GRIA4: variants seen among roughly 807,000 people sequenced by gnomAD.
The protein encoded by GRIA4 is glutamate ionotropic receptor AMPA type subunit 4, also known as glutamate receptor 4.
GRIA4 carries 34 observed loss-of-function variants against 104.0 expected under a neutral mutation model. The ratio of observed to expected loss-of-function variants is 0.33; its 90% confidence interval spans 0.25 to 0.44. The LOEUF is 0.44. Among genes scored for constraint, GRIA4 ranks in the 20% least tolerant of loss-of-function variants. The probability of loss-of-function intolerance (pLI) is 1.00; values close to 1 mark genes in which losing one functional copy is unlikely to be tolerated. For missense variants in GRIA4, 750 were observed against 1,096.5 expected, an observed-to-expected ratio of 0.68 and a Z score of 4.46; for synonymous variants, 386 against 381.9, an observed-to-expected ratio of 1.01 and a Z score of -0.13.
Position 105,753,207 on chromosome 11 carries a change from T to C in GRIA4, c.474T>C (p.Tyr158=). 6.2e-7 allele frequency: 1 copy of C among 1,613,714 alleles called. No individual in the cohort carries two copies. Among genetic ancestry groups the C allele is most frequent in the African/African-American group, 1.3e-5 (1 of 75,016 alleles). The change falls in exon 4 of 17, where the codon TAT becomes TAC. Residue 158 remains tyrosine, a synonymous_variant. Coordinates refer to ENST00000282499, the MANE Select transcript of GRIA4 (RefSeq NM_000829.4). ...HYEWNCFVFL[Y]DTDRGYSILQ... is the part of the protein sequence containing the mutation. Reference sequence around the variant, plus strand: ...AATGGAACTGTTTTGTCTTCCTGTATGACACAGACAGGGGTAAGTCCAGTT... The same window carrying C: ...AATGGAACTGTTTTGTCTTCCTGTACGACACAGACAGGGGTAAGTCCAGTT...
At chr11:105,910,796 G>T (rs1034619405) in intron 10 of GRIA4, among the ~76,000 whole-genome samples, 1 of 152,046 alleles carries the variant, frequency 6.6e-6, no homozygotes, top group Non-Finnish European at 1.5e-5. Flanking sequence ...AATTGAGACT[G>T]TCAAACTCTA....
intron 8 of GRIA4, among the ~76,000 whole-genome samples, chr11:105,904,354 G>T (rs1328378440): frequency 6.6e-6 from 1 of 152,172 alleles, no homozygotes; most frequent in African/African-American, 2.4e-5. Flanking sequence ...TCTGCAAAGG[G>T]AAATGGATAG....
intron 3 of GRIA4, among the ~76,000 whole-genome samples, chr11:105,653,163 G>C (rs113941128): frequency 6.6e-6 from 1 of 152,086 alleles, no homozygotes; most frequent in African/African-American, 2.4e-5. Context: ...TGCCCGCCTC[G>C]GCCTCCCAAA....
At chr11:105,651,914 C>A (rs757437986) in intron 3 of GRIA4, among the ~76,000 whole-genome samples, 13 of 151,896 alleles carry the variant, frequency 8.6e-5, no homozygotes, top group Non-Finnish European at 1.8e-4. Context: ...TGAAACAGGT[C>A]CAAATACAAA....
intron 5 of GRIA4, among the ~76,000 whole-genome samples, chr11:105,883,284 T>TTG (rs1317491587): frequency 2.6e-5 from 4 of 152,026 alleles, no homozygotes; most frequent in African/African-American, 9.6e-5. Context: ...TTCTTTTTTT[T>TTG]TTTTTTTAAT....
chr11:105,652,713 T>C (rs1402420028), intron 3 of GRIA4, among the ~76,000 whole-genome samples: 2 of 152,044 alleles, frequency 1.3e-5, no homozygotes, highest in African/African-American at 2.4e-5. Context: ...ATCAATCAAT[T>C]ATGCTACACC....
At chr11:105,773,090 A>G (rs1591231184) in intron 4 of GRIA4, among the ~76,000 whole-genome samples, 1 of 152,108 alleles carries the variant, frequency 6.6e-6, no homozygotes, top group African/African-American at 2.4e-5. Context: ...AATAGTGTCA[A>G]TTTCCTCCTC....
intron 3 of GRIA4, among the ~76,000 whole-genome samples, chr11:105,696,231 G>A (rs529058081): frequency 7.2e-5 from 11 of 152,198 alleles, no homozygotes; most frequent in South Asian, 6.2e-4. Context: ...AGCATGTTAC[G>A]TACTTGACCT....
chr11:105,625,100 T>C (rs1432952952), intron 3 of GRIA4, among the ~76,000 whole-genome samples: 1 of 152,088 alleles, frequency 6.6e-6, no homozygotes, highest in Non-Finnish European at 1.5e-5. Flanking sequence ...CTCTGTATCT[T>C]GTATATGCCT....
intron 10 of GRIA4, chr11:105,912,611 T>C: frequency 3.9e-6 from 2 of 511,206 alleles, no homozygotes; most frequent in Non-Finnish European, 5.0e-6. Flanking sequence ...CCATCAATAT[T>C]TTTGCTATCA....
At chr11:105,936,775 A>G (rs891725028) in intron 14 of GRIA4, among the ~76,000 whole-genome samples, 3 of 152,200 alleles carry the variant, frequency 2.0e-5, no homozygotes, top group Admixed American at 2.0e-4. Flanking sequence ...CTCAAACAGT[A>G]GATCTGTAAC....
At chr11:105,929,519 C>T (rs920690915) in intron 13 of GRIA4, among the ~76,000 whole-genome samples, 2 of 152,112 alleles carry the variant, frequency 1.3e-5, no homozygotes, top group African/African-American at 4.8e-5. Context: ...GCCAGCCTCG[C>T]TGTTTTGGTA....
intron 9 of GRIA4, among the ~76,000 whole-genome samples, chr11:105,907,542 C>G (rs770054467): frequency 2.6e-5 from 4 of 152,140 alleles, no homozygotes; most frequent in Non-Finnish European, 4.4e-5. Flanking sequence ...AACAGGAAAA[C>G]TGATAGAGAG....
chr11:105,835,306 T>C (rs1944135504), intron 4 of GRIA4, among the ~76,000 whole-genome samples: 1 of 152,066 alleles, frequency 6.6e-6, no homozygotes, highest in South Asian at 2.1e-4. Flanking sequence ...GGTACAACCA[T>C]TGAATGGCAT....
intron 3 of GRIA4, among the ~76,000 whole-genome samples, chr11:105,726,060 GGAAAGGCTGAA>G (rs914610471): frequency 6.6e-6 from 1 of 152,016 alleles, no homozygotes; most frequent in African/African-American, 2.4e-5. Context: ...TCACTCCCCT[GGAAAGGCTGAA>G]GCCAGGGAGC....
intron 5 of GRIA4, among the ~76,000 whole-genome samples, chr11:105,866,551 G>GTATATATA (rs71041633): frequency 0.067 from 5,118 of 75,998 alleles, 265 homozygotes; most frequent in Admixed American, 0.096. Context: ...GTGTGTGTGT[G>GTATATATA]TATATATATA....
At chr11:105,904,067 A>G in intron 8 of GRIA4, 86 bp downstream of exon 8, 1 of 876,096 alleles carries the variant, frequency 1.1e-6, no homozygotes, top group Non-Finnish European at 1.8e-6. Context: ...TTATCCAAGC[A>G]CAAATACATA....
intron 4 of GRIA4, among the ~76,000 whole-genome samples, chr11:105,755,812 G>C (rs1940277985): frequency 6.6e-6 from 1 of 152,146 alleles, no homozygotes; most frequent in Non-Finnish European, 1.5e-5. Flanking sequence ...GCTTGAGCTG[G>C]ATCATCCATC....
chr11:105,757,969 T>G (rs1009686109), intron 4 of GRIA4, among the ~76,000 whole-genome samples: 2 of 152,252 alleles, frequency 1.3e-5, no homozygotes, highest in Admixed American at 6.5e-5. Context: ...TTTGGCTGGG[T>G]CTGGTGGCTT....
Sources: allele counts gnomAD v4.1 joint callset (sites outside exome capture counted in the v4.1 genomes callset), GRCh38; gene constraint gnomAD v4.1.1; transcripts MANE v1.5; gene names NCBI Gene and HGNC (gene_info 2026-07-23, HGNC 2026-07-21).